The following MELTF variants were observed in gnomAD, a reference collection of about 807,000 sequenced individuals.
MELTF encodes melanotransferrin.
A neutral mutation model predicts 83.7 loss-of-function variants in MELTF; 67 were observed. That is an observed-to-expected ratio of 0.80 (90% CI 0.66 to 0.98). The LOEUF (loss-of-function observed/expected upper bound fraction) is 0.98, where lower values mean the gene tolerates loss of function less well. MELTF is among the 50% of genes least tolerant of loss of function. MELTF has a pLI of 0.00. For synonymous variants in MELTF, 462 were observed against 447.6 expected, an observed-to-expected ratio of 1.03 and a Z score of -0.41; for missense variants, 1,002 against 1,035.6, an observed-to-expected ratio of 0.97 and a Z score of 0.44.
intron 10 of MELTF, 65 bp from the exon 11 acceptor site, chr3:197,009,877 G>T (rs1163899705): frequency 3.5e-6 from 5 of 1,444,930 alleles, no homozygotes; most frequent in Non-Finnish European, 3.9e-6. Context: ...GCCTGGGGGG[G>T]TCCTTCCTTC....
chr3:197,026,868 G>T, intron 2 of MELTF, 109 bp from the exon 3 acceptor site: 1 of 831,618 alleles, frequency 1.2e-6, no homozygotes, highest in Non-Finnish European at 2.0e-6. Context: ...CCAGAGGGCT[G>T]TGCTGTCCTT....
intron 6 of MELTF, chr3:197,019,537 A>G: frequency 7.1e-6 from 11 of 1,542,860 alleles, no homozygotes; most frequent in Non-Finnish European, 9.7e-6. Flanking sequence ...TGGGGGTTTG[A>G]GACCAGCCTG....
intron 4 of MELTF, 107 bp from the exon 5 acceptor site, chr3:197,023,220 A>G: frequency 8.8e-7 from 1 of 1,137,438 alleles, no homozygotes; most frequent in Non-Finnish European, 1.3e-6. Context: ...TCTGCTGAGA[A>G]TGGTTCCACC....
rs1719366070 is a variant in MELTF, at chr3:197,016,222, G to C, written c.1048C>G (p.His350Asp). 1 of 1,595,020 alleles carries C rather than the reference G, an allele frequency of 6.3e-7. No homozygotes were observed. Among genetic ancestry groups the C allele is most frequent in the Non-Finnish European group, 8.5e-7 (1 of 1,171,010 alleles). ...YEAWLGHEYL[H>D]AMKGLLCDPN... ...TCACAGAGCAGACCCTTCATGGCGT[G>C]CAGGTACTCATGGCCCAGCCACGCC... is the stretch of plus-strand genomic sequence containing the variant. The change falls in exon 8 of 16, where the codon CAC (histidine) becomes GAC (aspartate). Residue 350 changes from histidine to aspartate, a missense_variant. Coordinates refer to ENST00000296350, the MANE Select transcript of MELTF (RefSeq NM_005929.6).
chr3:197,014,538 C>A (rs762669991), intron 9 of MELTF, among the ~76,000 whole-genome samples: 2 of 152,004 alleles, frequency 1.3e-5, no homozygotes, highest in Non-Finnish European at 2.9e-5. Flanking sequence ...CAACTGTGTG[C>A]CACCATGCTC....
At position 197,024,199 on chromosome 3, in the gene MELTF, A is replaced by G. The variant is rs571900473; in HGVS notation, c.487+104T>C. ...CTGCTGCGCCTTCCAGGAATGAAGA[A>G]TGGTGGCGAGGCCGGAGGGAGGCTA... On this transcript the variant is annotated intron_variant, in intron 4 of 15. Coordinates refer to ENST00000296350, the MANE Select transcript of MELTF (RefSeq NM_005929.6). The surrounding 1 kb of genome is among the most constrained non-coding windows in gnomAD (Gnocchi z 5.3). 142 of 1,279,626 alleles carry G rather than the reference A, an allele frequency of 1.1e-4. 1 individual carries two copies. The South Asian group carries it at 2.0e-3, about 18-fold the overall frequency. 79.3% of individuals were successfully genotyped at this position (1,279,626 alleles called of 1,614,324 possible).
rs772514795 is a variant in MELTF at position 197,006,746 on chromosome 3, G to T, written c.1751-10C>A. On this transcript the variant is annotated splice_polypyrimidine_tract_variant and intron_variant, in intron 13 of 15. Transcript: ENST00000296350. This position sits in a 1 kb window ranked among gnomAD's most constrained non-coding sequence, Gnocchi z 5.4. ...GGCTCGGAATTGTGGCCTGAGGGGG[G>T]TAAAGCAGTGTGTGTGGGGACGTTC... 1.3e-6 allele frequency: 2 copies of T among 1,517,838 alleles called. No individual in the cohort carries two copies. The highest frequency in any genetic ancestry group is 2.4e-5 in the East Asian group (1 of 41,350). 94.0% of individuals were successfully genotyped at this position (1,517,838 alleles called of 1,614,324 possible). A position where few individuals can be genotyped will look rare whatever the true frequency, so the allele number is the denominator to read the frequency against.
In MELTF at chr3:197,003,194, G is replaced by GGCGGCGCCTCAGGTA. The variant is rs933065331; in HGVS notation, c.*163_*177dup. 3.2e-6 allele frequency: 2 copies of GGCGGCGCCTCAGGTA among 632,506 alleles called. No individual in the cohort carries two copies. The highest frequency in any genetic ancestry group is 1.2e-4 in the Admixed American group (2 of 16,344). 39.2% of individuals were successfully genotyped at this position (632,506 alleles called of 1,614,324 possible). A position where few individuals can be genotyped will look rare whatever the true frequency, so the allele number is the denominator to read the frequency against. ...GCGGGAAGGGCCGCGCGGGCCCGGGGGCGGCGCCTCAGGTAGCAGCGCCAG... is the reference window on the plus strand; with the variant it reads ...GCGGGAAGGGCCGCGCGGGCCCGGGGGCGGCGCCTCAGGTAGCGGCGCCTCAGGTAGCAGCGCCAG... On this transcript the variant is annotated 3_prime_UTR_variant, in exon 16 of 16. Transcript: ENST00000296350. The surrounding 1 kb of genome is among the most constrained non-coding windows in gnomAD (Gnocchi z 6.2).
At chr3:197,010,475 C>T (rs1343780128) in intron 10 of MELTF, among the ~76,000 whole-genome samples, 2 of 152,216 alleles carry the variant, frequency 1.3e-5, no homozygotes, top group Non-Finnish European at 2.9e-5. Context: ...ATGTATTTAT[C>T]CTCTAGTCCT....
At position 197,024,154 on chromosome 3, in the gene MELTF, AGGCACGGGGCGGGC is replaced by A; in HGVS notation, c.487+135_487+148del. 2 of 574,816 alleles carry A rather than the reference AGGCACGGGGCGGGC, an allele frequency of 3.5e-6. No homozygotes were observed. Among genetic ancestry groups the A allele is most frequent in the Admixed American group, 5.8e-5 (1 of 17,168 alleles). The allele number at this position is 574,816 out of a possible 1,614,324, so 35.6% of individuals were successfully genotyped here. ...GCCGGCGGCAGAGTGGAGGCGGGGG[AGGCACGGGGCGGGC>A]GGGGGCTGCTGCGCCTTCCAGGAAT... On this transcript the variant is annotated intron_variant, in intron 4 of 15. Transcript: ENST00000296350. The surrounding 1 kb of genome is among the most constrained non-coding windows in gnomAD (Gnocchi z 5.3).
chr3:197,010,366 G>A (rs1328943078), intron 10 of MELTF, among the ~76,000 whole-genome samples: 4 of 152,280 alleles, frequency 2.6e-5, no homozygotes, highest in African/African-American at 7.2e-5. Context: ...GGCAAACTAC[G>A]AGGCCTGCTC....
chr3:197,014,176 T>C (rs143452659), intron 9 of MELTF, among the ~76,000 whole-genome samples: 116 of 152,118 alleles, frequency 7.6e-4, no homozygotes, highest in African/African-American at 2.7e-3. Context: ...TATTTAGCCA[T>C]AAAAAAGAAT....
In MELTF at chr3:197,029,278, G is replaced by A. The variant is rs1719989680; in HGVS notation, c.49+376C>T. 5.2e-6 allele frequency: 1 copy of A among 192,970 alleles called. No individual in the cohort carries two copies. The highest frequency in any genetic ancestry group is 1.1e-5 in the Non-Finnish European group (1 of 94,952). 12.0% of individuals were successfully genotyped at this position (192,970 alleles called of 1,614,324 possible). On this transcript the variant is annotated intron_variant, in intron 1 of 15. Coordinates refer to ENST00000296350, the MANE Select transcript of MELTF (RefSeq NM_005929.6). The surrounding 1 kb of genome is among the most constrained non-coding windows in gnomAD (Gnocchi z 6.5). ...GTCCCTCTGAATCTTCTCCCGCGGG[G>A]GCTCGGGAGAAAGAGCTGCTCCGAG...
chr3:197,009,060 C>T lies in MELTF; in HGVS notation c.1526-95G>A, dbSNP rs559103291. 674 of 1,452,458 alleles carry T rather than the reference C, an allele frequency of 4.6e-4. 1 individual carries two copies. Among genetic ancestry groups the T allele is most frequent in the Middle Eastern group, 1.9e-3 (8 of 4,158 alleles). The allele number at this position is 1,452,458 out of a possible 1,614,324, so 90.0% of individuals were successfully genotyped here. A position where few individuals can be genotyped will look rare whatever the true frequency, so the allele number is the denominator to read the frequency against. On this transcript the variant is annotated intron_variant, in intron 11 of 15. Coordinates refer to ENST00000296350, the MANE Select transcript of MELTF (RefSeq NM_005929.6). ...CTCCCCCACAGGTCTGCCCACCCCC[C>T]GGATCCTACACTGCAAGGCCACCTG... is the stretch of plus-strand genomic sequence containing the variant.
In MELTF at chr3:197,016,267, T is replaced by C. The variant is rs202141723; in HGVS notation, c.1003A>G (p.Ile335Val). The change falls in exon 8 of 16, where the codon ATC (isoleucine) becomes GTC (valine). Residue 335 changes from isoleucine to valine, a missense_variant. Transcript: ENST00000296350. ...FKDSTSELVP[I>V]ATQTYEAWLG... ...CACGCCTCATAGGTCTGTGTGGCGA[T>C]GGGCACAAGCTCCGAGGTAGAGTCT... is the stretch of plus-strand genomic sequence containing the variant. The C allele has an allele frequency of 1.7e-5, 28 of 1,613,068 alleles. No individual in the cohort carries two copies. Among genetic ancestry groups the C allele is most frequent in the Non-Finnish European group, 2.3e-5 (27 of 1,179,480 alleles).
At chr3:197,021,552 C>T in intron 5 of MELTF, 81 bp from the exon 6 acceptor site, 4 of 1,374,026 alleles carry the variant, frequency 2.9e-6, no homozygotes, top group Non-Finnish European at 4.1e-6. Context: ...CTGGCTTGGG[C>T]TGTAGGGGTG....
In MELTF at chr3:197,016,337, C is replaced by G. The variant is rs778687086; in HGVS notation, c.933G>C (p.Gln311His). 1 of 1,604,594 alleles carries G rather than the reference C, an allele frequency of 6.2e-7. No homozygotes were observed. Among genetic ancestry groups the G allele is most frequent in the Non-Finnish European group, 8.5e-7 (1 of 1,175,374 alleles). ...GGCCATAGGCCTCAGAGCTGAACATCTGGAAGCTGCTGCCCTCGTGGCTGA... is the reference window on the plus strand; with the variant it reads ...GGCCATAGGCCTCAGAGCTGAACATGTGGAAGCTGCTGCCCTCGTGGCTGA... Reference protein sequence around the residue: ...RLFSHEGSSFQMFSSEAYGQK... With the variant: ...RLFSHEGSSFHMFSSEAYGQK... Residue 311 changes from glutamine (Q) to histidine (H), a missense_variant, in exon 8 of 16, where the codon CAG (glutamine) becomes CAC (histidine). By Grantham distance (24) the Gln-to-His change is conservative (BLOSUM62 0). Coordinates refer to ENST00000296350, the MANE Select transcript of MELTF (RefSeq NM_005929.6).
chr3:197,007,367 A>G lies in MELTF; in HGVS notation c.1751-631T>C, dbSNP rs1719016456. ...AGAAAATGCTGCCCTCAGGAATCAC[A>G]TTTTCATGTCTCTGTGCATTCACTT... On this transcript the variant is annotated intron_variant, in intron 13 of 15. Transcript: ENST00000296350. The surrounding 1 kb of genome is among the most constrained non-coding windows in gnomAD (Gnocchi z 4.3). Among the ~76,000 whole-genome samples the G allele has an allele frequency of 6.6e-6, 1 of 152,086 alleles. No individual in the cohort carries two copies. Among genetic ancestry groups the G allele is most frequent in the Admixed American group, 6.5e-5 (1 of 15,270 alleles).
chr3:197,019,569 T>C (rs777049908), intron 6 of MELTF: 1 of 1,578,692 alleles, frequency 6.3e-7, no homozygotes, highest in East Asian at 2.3e-5. Context: ...GAGACCCCCA[T>C]CTCAAAAAAA....
Sources: allele counts gnomAD v4.1 joint callset (sites outside exome capture counted in the v4.1 genomes callset), GRCh38; gene constraint gnomAD v4.1.1; non-coding constraint Gnocchi (gnomAD v3.1); transcripts MANE v1.5; gene names NCBI Gene and HGNC (gene_info 2026-07-23, HGNC 2026-07-21).